TNKS1BP1: variants seen among roughly 807,000 people sequenced by gnomAD.
TNKS1BP1 encodes the protein 182 kDa tankyrase-1-binding protein.
TNKS1BP1 carries 48 observed loss-of-function variants against 141.1 expected under a neutral mutation model. The observed-to-expected ratio is 0.34, with a 90% confidence interval of 0.27 to 0.43. The LOEUF is 0.43. TNKS1BP1 is among the 20% of genes least tolerant of loss of function. The probability of loss-of-function intolerance (pLI) is 1.00; values close to 1 mark genes in which losing one functional copy is unlikely to be tolerated. For missense variants in TNKS1BP1, 2,149 were observed against 2,226.0 expected (o/e 0.97, Z 0.70); for synonymous variants, 875 against 898.2 (o/e 0.97, Z 0.46).
At chr11:57,314,807 C>T (rs1453007279) in intron 4 of TNKS1BP1, among the ~76,000 whole-genome samples, 1 of 152,132 alleles carries the variant, frequency 6.6e-6, no homozygotes, top group African/African-American at 2.4e-5. Context: ...CTTCCCTGGC[C>T]GCCCTCTCCC....
intron 4 of TNKS1BP1, among the ~76,000 whole-genome samples, chr11:57,316,282 T>G (rs1047733681): frequency 6.6e-6 from 1 of 152,172 alleles, no homozygotes; most frequent in South Asian, 2.1e-4. Context: ...CCCAGTCTCC[T>G]TGGCTGTGCC....
intron 1 of TNKS1BP1, among the ~76,000 whole-genome samples, chr11:57,322,719 G>A (rs1476997163): frequency 6.6e-6 from 1 of 152,192 alleles, no homozygotes; most frequent in Non-Finnish European, 1.5e-5. Flanking sequence ...CCCAGGCCTG[G>A]GCTGGGAGAA....
In TNKS1BP1 at chr11:57,324,796, C is replaced by A. The variant is rs563221416; in HGVS notation, c.-66+44G>T. 187 of 985,592 alleles carry A rather than the reference C, an allele frequency of 1.9e-4. 1 individual carries two copies. In the African/African-American group the frequency reaches 2.3e-3, roughly 12 times the overall value. 61.1% of individuals were successfully genotyped at this position (985,592 alleles called of 1,614,324 possible). A position where few individuals can be genotyped will look rare whatever the true frequency, so the allele number is the denominator to read the frequency against. On this transcript the variant is annotated intron_variant, in intron 1 of 11. Coordinates refer to ENST00000358252, the MANE Select transcript of TNKS1BP1 (RefSeq NM_033396.3). ...TCCATGCCCCTCCCCCGCCCCATCC[C>A]GGACCCCGCCCCCTCCTTCGCCCGA...
chr11:57,306,712 C>T (rs138892408), intron 6 of TNKS1BP1, among the ~76,000 whole-genome samples: 9 of 152,232 alleles, frequency 5.9e-5, no homozygotes, highest in Admixed American at 2.6e-4. Context: ...GGCCAGATTA[C>T]GGTAACACAA....
In TNKS1BP1 at chr11:57,312,521, T is replaced by A; in HGVS notation, c.2154+13A>T. ...GTCCCCAGAAGTCCCATTCTCCCTA[T>A]GCCCATTCTCACCTCAGAGCAGGTA... On this transcript the variant is annotated intron_variant, in intron 5 of 11. Coordinates refer to ENST00000358252, the MANE Select transcript of TNKS1BP1 (RefSeq NM_033396.3). The A allele has an allele frequency of 1.4e-6, 2 of 1,465,336 alleles. No individual in the cohort carries two copies. The highest frequency in any genetic ancestry group is 1.8e-6 in the Non-Finnish European group (2 of 1,106,528). The allele number at this position is 1,465,336 out of a possible 1,614,324, so 90.8% of individuals were successfully genotyped here.
At position 57,318,017 on chromosome 11, in the gene TNKS1BP1, T is replaced by C. The variant is rs1855824048; in HGVS notation, c.729-130A>G. ...GTTAAACCCTCCTAGCCATTTACTC[T>C]TGAGCCCTGCCTGCAACTATTAGGG... On this transcript the variant is annotated intron_variant, in intron 3 of 11. Transcript: ENST00000358252. 8.8e-6 allele frequency: 7 copies of C among 796,808 alleles called. No individual in the cohort carries two copies. In the Admixed American group the frequency reaches 1.5e-4, roughly 17 times the overall value. 49.4% of individuals were successfully genotyped at this position (796,808 alleles called of 1,614,324 possible). A position where few individuals can be genotyped will look rare whatever the true frequency, so the allele number is the denominator to read the frequency against.
Position 57,321,969 on chromosome 11 carries a change from G to A in TNKS1BP1, c.-65-19C>T. 28 of 1,526,212 alleles carry A rather than the reference G, an allele frequency of 1.8e-5. No individual in the cohort carries two copies. Among genetic ancestry groups the A allele is most frequent in the Admixed American group, 1.1e-4 (5 of 46,890 alleles). 94.5% of individuals were successfully genotyped at this position (1,526,212 alleles called of 1,614,324 possible). On this transcript the variant is annotated intron_variant, in intron 1 of 11. Coordinates refer to ENST00000358252, the MANE Select transcript of TNKS1BP1 (RefSeq NM_033396.3). ...TGCAGACCTAGGAAAAGAGAGAGAA[G>A]AGAAGGAAAAAAAGAGTTGGGCGTT...
In TNKS1BP1 at chr11:57,308,032, C is replaced by T. The variant is rs934424382; in HGVS notation, c.4316+363G>A. ...CCTATACCTATGAAACCACCTGTGG[C>T]TTCAGGGCTGAGAGGCCTGGGGAAC... On this transcript the variant is annotated intron_variant, in intron 6 of 11. Coordinates refer to ENST00000358252, the MANE Select transcript of TNKS1BP1 (RefSeq NM_033396.3). Among the ~76,000 whole-genome samples the T allele has an allele frequency of 2.6e-5, 4 of 152,304 alleles. No homozygotes were observed. In the South Asian group the frequency reaches 6.2e-4, roughly 24 times the overall value.
rs1365111166 is a variant in TNKS1BP1 at position 57,312,695 on chromosome 11, C to A, written c.1993G>T (p.Ala665Ser). Reference protein sequence around the residue: ...RAETTQARTEAQDLCRASPEP... With the variant: ...RAETTQARTESQDLCRASPEP... ...GGGGATGCCCTACACAAGTCTTGAG[C>A]CTCTGTCCTGGCTTGGGTGGTCTCA... Residue 665 changes from alanine (A) to serine (S), a missense_variant, in exon 5 of 12, where the codon GCT (alanine) becomes TCT (serine). By Grantham distance (99) the Ala-to-Ser change is moderately conservative (BLOSUM62 1). Transcript: ENST00000358252. 2.5e-6 allele frequency: 4 copies of A among 1,574,686 alleles called. No homozygotes were observed. The highest frequency in any genetic ancestry group is 1.2e-5 in the South Asian group (1 of 83,970).
At chr11:57,311,505 A>G (rs1468982133) in intron 5 of TNKS1BP1, 1 of 983,060 alleles carries the variant, frequency 1.0e-6, no homozygotes, top group Non-Finnish European at 1.2e-6. Context: ...CTCCCTCCGG[A>G]GCAGCTGCAG....
intron 5 of TNKS1BP1, chr11:57,311,123 C>T: frequency 3.3e-6 from 2 of 609,828 alleles, no homozygotes; most frequent in Non-Finnish European, 4.1e-6. Flanking sequence ...CCCAGGAAGA[C>T]CTCTCAGCCC....
chr11:57,301,634 G>GC (rs949652154), intron 9 of TNKS1BP1, among the ~76,000 whole-genome samples, 173 bp downstream of exon 9: 86 of 152,304 alleles, frequency 5.6e-4, no homozygotes, highest in African/African-American at 2.0e-3. Flanking sequence ...ACAGCATAGG[G>GC]CCCGGCGGGG....
rs746660639 is a variant in TNKS1BP1, at chr11:57,313,652, C to G, written c.1036G>C (p.Glu346Gln). Residue 346 changes from glutamate (E) to glutamine (Q), a missense_variant, in exon 5 of 12, where the codon GAG (glutamate) becomes CAG (glutamine). Glu to Gln is a conservative substitution (Grantham distance 29, BLOSUM62 2). Transcript: ENST00000358252. ...PSAPSAALPD[E>Q]GSRHTPSPGL... ...GGGCTGGGGGTGTGGCGGGAGCCCT[C>G]GTCAGGCAGGGCTGCACTTGGAGCT... 1 of 1,558,696 alleles carries G rather than the reference C, an allele frequency of 6.4e-7. No homozygotes were observed. Among genetic ancestry groups the G allele is most frequent in the African/African-American group, 1.4e-5 (1 of 73,888 alleles).
chr11:57,317,701 T>G (rs1307865886), intron 4 of TNKS1BP1, 117 bp downstream of exon 4: 2 of 1,104,048 alleles, frequency 1.8e-6, no homozygotes, highest in Admixed American at 2.1e-5. Context: ...AGTGAGTCAC[T>G]CTCCCCATGG....
Position 57,312,832 on chromosome 11 carries a change from A to G in TNKS1BP1, c.1856T>C (p.Leu619Pro). ...AGGGGCTGCTGGCTGCTCCTGCCCC[A>G]GGACTGGCTCCAGGATGGGCAAGGC... The part of the protein sequence containing the change: ...EAALPILEPV[L>P]GQEQPAAPDQ... Residue 619 changes from leucine to proline, a missense_variant, in exon 5 of 12, where the codon CTG (leucine) becomes CCG (proline). Coordinates refer to ENST00000358252, the MANE Select transcript of TNKS1BP1 (RefSeq NM_033396.3). 1 of 1,611,754 alleles carries G rather than the reference A, an allele frequency of 6.2e-7. No homozygotes were observed. The highest frequency in any genetic ancestry group is 1.7e-5 in the Admixed American group (1 of 59,876).
At chr11:57,323,224 C>T (rs1039424120) in intron 1 of TNKS1BP1, among the ~76,000 whole-genome samples, 3 of 152,134 alleles carry the variant, frequency 2.0e-5, no homozygotes, top group Non-Finnish European at 4.4e-5. Context: ...TCCCTGACCC[C>T]AGGCTACCAG....
rs555500140 is a variant in TNKS1BP1, at chr11:57,304,351, G to A, written c.4317-1526C>T. Among the ~76,000 whole-genome samples, 3 of 152,364 alleles carry A rather than the reference G, an allele frequency of 2.0e-5. No homozygotes were observed. In the South Asian group the frequency reaches 6.2e-4, roughly 32 times the overall value. On this transcript the variant is annotated intron_variant, in intron 6 of 11. Coordinates refer to ENST00000358252, the MANE Select transcript of TNKS1BP1 (RefSeq NM_033396.3). The stretch of plus-strand genomic sequence containing the variant: ...GATGGAAATTAAAGTGGTCTGGGGA[G>A]AGACATTGGGGGAGGAGGCAGTGGC...
intron 2 of TNKS1BP1, 49 bp downstream of exon 2, chr11:57,321,743 T>TGGG: frequency 2.1e-5 from 25 of 1,186,744 alleles, no homozygotes; most frequent in Non-Finnish European, 2.9e-5. Flanking sequence ...GCCTCTGTCC[T>TGGG]TCCCACCCCC....
Position 57,308,606 on chromosome 11 carries a change from C to T in TNKS1BP1, c.4105G>A (p.Gly1369Arg), listed in dbSNP as rs754154860. 37 of 1,613,780 alleles carry T rather than the reference C, an allele frequency of 2.3e-5. No homozygotes were observed. The highest frequency in any genetic ancestry group is 1.2e-4 in the South Asian group (11 of 91,058). Reference protein sequence around the residue: ...PSEAREHGVGGVSQCPEPGLR... With the variant: ...PSEAREHGVGRVSQCPEPGLR... Reference sequence around the variant, plus strand: ...CCGGGCTCTGGGCACTGGCTCACCCCGCCCACCCCATGCTCCCTGGCTTCA... The same window carrying T: ...CCGGGCTCTGGGCACTGGCTCACCCTGCCCACCCCATGCTCCCTGGCTTCA... Residue 1369 changes from glycine (G) to arginine (R), a missense_variant, in exon 6 of 12, where the codon GGG becomes AGG. Physicochemically the swap from Gly to Arg is moderately radical, Grantham distance 125. Coordinates refer to ENST00000358252, the MANE Select transcript of TNKS1BP1 (RefSeq NM_033396.3).
Sources: allele counts gnomAD v4.1 joint callset (sites outside exome capture counted in the v4.1 genomes callset), GRCh38; gene constraint gnomAD v4.1.1; transcripts MANE v1.5; gene names NCBI Gene and HGNC (gene_info 2026-07-23, HGNC 2026-07-21).